The following AGAP1 variants were observed in gnomAD, a reference collection of about 807,000 sequenced individuals.
AGAP1 encodes the protein arf-GAP with GTPase, ANK repeat and PH domain-containing protein 1.
In AGAP1, 29 loss-of-function variants were observed where a neutral mutation model predicts 105.3. The ratio of observed to expected loss-of-function variants is 0.28; its 90% CI spans 0.21 to 0.38. The LOEUF (loss-of-function observed/expected upper bound fraction) is 0.38. Ranked by LOEUF, AGAP1 falls within the 10% of genes least tolerant of loss-of-function variation. AGAP1 has a pLI of 1.00. For synonymous variants in AGAP1, 509 were observed against 485.9 expected (o/e 1.05, Z -0.63); for missense variants, 998 against 1,165.1 (o/e 0.86, Z 2.09).
rs1250691330 is a variant in AGAP1, at chr2:236,014,553, G to C, written c.1646-22008G>C. ...CGAAGCAGACTTCTGCGCGTGGGTA[G>C]TTCTTTGACGTTAGATGCAATCCTG... is the stretch of plus-strand genomic sequence containing the variant. On this transcript the variant is annotated intron_variant, in intron 13 of 17. Coordinates refer to ENST00000304032, the MANE Select transcript of AGAP1 (RefSeq NM_001037131.3). The surrounding 1 kb of genome is among the most constrained non-coding windows in gnomAD (Gnocchi z 6.3). Among the ~76,000 whole-genome samples the C allele has an allele frequency of 6.6e-6, 1 of 152,124 alleles. No homozygotes were observed. Among genetic ancestry groups the C allele is most frequent in the Non-Finnish European group, 1.5e-5 (1 of 68,036 alleles).
At chr2:235,670,264 G>T in intron 1 of AGAP1, 2 of 492,356 alleles carry the variant, frequency 4.1e-6, no homozygotes, top group Non-Finnish European at 3.6e-6. Flanking sequence ...GCCCGGTTCG[G>T]CGGCCCCGGC....
rs1169092667 is a variant in AGAP1, at chr2:236,035,096, G to A, written c.1646-1465G>A. 7.2e-5 allele frequency among the ~76,000 whole-genome samples: 11 copies of A among 152,328 alleles called. No individual in the cohort carries two copies. The highest frequency in any genetic ancestry group is 3.9e-4 in the East Asian group (2 of 5,176). The stretch of plus-strand genomic sequence containing the variant: ...CCAGTCTAGGTGAGGTCAGTAAGCC[G>A]TGCTTGGAAGCTGGGCTAGAGGGAC... On this transcript the variant is annotated intron_variant, in intron 13 of 17. Coordinates refer to ENST00000304032, the MANE Select transcript of AGAP1 (RefSeq NM_001037131.3). This position sits in a 1 kb window ranked among gnomAD's most constrained non-coding sequence, Gnocchi z 4.2.
Position 235,930,408 on chromosome 2 carries a change from C to T in AGAP1, c.1325-357C>T, listed in dbSNP as rs932547612. ...CGGGCTCCTGGAGCCCCCATCTTGC[C>T]GGCCTGCCGGATCGCGGTGTCTCTG... is the stretch of plus-strand genomic sequence containing the variant. On this transcript the variant is annotated intron_variant, in intron 11 of 17. Transcript: ENST00000304032. This position sits in a 1 kb window ranked among gnomAD's most constrained non-coding sequence, Gnocchi z 7.9. 5.3e-5 allele frequency among the ~76,000 whole-genome samples: 8 copies of T among 152,200 alleles called. No individual in the cohort carries two copies. The highest frequency in any genetic ancestry group is 7.3e-5 in the Non-Finnish European group (5 of 68,032).
At position 235,927,168 on chromosome 2, in the gene AGAP1, G is replaced by T. The variant is rs1002253708; in HGVS notation, c.1325-3597G>T. On this transcript the variant is annotated intron_variant, in intron 11 of 17. Coordinates refer to ENST00000304032, the MANE Select transcript of AGAP1 (RefSeq NM_001037131.3). This position sits in a 1 kb window ranked among gnomAD's most constrained non-coding sequence, Gnocchi z 4.4. Reference sequence around the variant, plus strand: ...GTGGGAAGTGGGTGTGGCTGGGGCTGGGGGGCCTTCACGAGCTATAGGGCT... The same window carrying T: ...GTGGGAAGTGGGTGTGGCTGGGGCTTGGGGGCCTTCACGAGCTATAGGGCT... Among the ~76,000 whole-genome samples, 1 of 152,128 alleles carries T rather than the reference G, an allele frequency of 6.6e-6. No individual in the cohort carries two copies. The highest frequency in any genetic ancestry group is 1.5e-5 in the Non-Finnish European group (1 of 68,024).
chr2:235,668,877 CA>C (rs1296499785), intron 1 of AGAP1, among the ~76,000 whole-genome samples: 1 of 152,116 alleles, frequency 6.6e-6, no homozygotes, highest in African/African-American at 2.4e-5. Flanking sequence ...GGTGGAAAAG[CA>C]AGTGGTTTGT....
At chr2:235,804,079 C>T (rs761095196) in intron 8 of AGAP1, among the ~76,000 whole-genome samples, 67 of 152,208 alleles carry the variant, frequency 4.4e-4, no homozygotes, top group Non-Finnish European at 8.5e-4. Context: ...GCTGCTACTG[C>T]AAGAAATAAG....
intron 9 of AGAP1, among the ~76,000 whole-genome samples, chr2:235,857,507 G>GT (rs1206002323): frequency 2.0e-5 from 3 of 152,188 alleles, no homozygotes; most frequent in African/African-American, 7.2e-5. Flanking sequence ...CACAGTGTGT[G>GT]TGCATGTCCG....
intron 12 of AGAP1, among the ~76,000 whole-genome samples, chr2:235,933,224 G>A (rs11675116): frequency 0.011 from 1,654 of 152,202 alleles, 42 homozygotes; most frequent in African/African-American, 0.037. Flanking sequence ...ATTTTTTTGT[G>A]CAAAACAGCA....
At chr2:236,085,276 G>A (rs1196209894) in intron 16 of AGAP1, among the ~76,000 whole-genome samples, 2 of 151,824 alleles carry the variant, frequency 1.3e-5, no homozygotes, top group Admixed American at 6.6e-5. Context: ...GCCTGAACTG[G>A]CCAGGACAAA....
chr2:236,036,569 G>A lies in AGAP1; in HGVS notation c.1654G>A (p.Glu552Lys). ...GLSGTAEEQE[E>K]NFEFIIVSLT... ...CACACTCTGTGTTTCAGAACAAGAA[G>A]AAAATTTTGAGTTTATCATTGTGTC... Residue 552 changes from glutamate (E) to lysine (K), a missense_variant, in exon 14 of 18, where the codon GAA (glutamate) becomes AAA (lysine). Glu to Lys is a moderately conservative substitution (Grantham distance 56). Coordinates refer to ENST00000304032, the MANE Select transcript of AGAP1 (RefSeq NM_001037131.3). The surrounding 1 kb of genome is among the most constrained non-coding windows in gnomAD (Gnocchi z 5.7). The A allele has an allele frequency of 6.2e-7, 1 of 1,614,042 alleles. No individual in the cohort carries two copies. The highest frequency in any genetic ancestry group is 8.5e-7 in the Non-Finnish European group (1 of 1,179,940).
At chr2:235,511,470 G>T (rs934819178) in intron 1 of AGAP1, among the ~76,000 whole-genome samples, 1 of 152,060 alleles carries the variant, frequency 6.6e-6, no homozygotes, top group South Asian at 2.1e-4. Context: ...CTTCTCTGTG[G>T]GGATGTGACT....
chr2:235,762,473 G>A (rs183406100), intron 6 of AGAP1, among the ~76,000 whole-genome samples: 13 of 152,270 alleles, frequency 8.5e-5, no homozygotes, highest in East Asian at 3.9e-4. Flanking sequence ...GAGCCTCATC[G>A]AAGCGTTGTG....
rs759422167 is a variant in AGAP1 at position 235,689,576 on chromosome 2, CTT to C, written c.164-19602_164-19601del. Reference sequence around the variant, plus strand: ...CTTAAGTCTGTTTCTCAACTCCCCTCTTGTTTTCATTGTTTCAGGCAAATAAT... The same window carrying C: ...CTTAAGTCTGTTTCTCAACTCCCCTCGTTTTCATTGTTTCAGGCAAATAAT... On this transcript the variant is annotated intron_variant, in intron 1 of 17. Transcript: ENST00000304032. The surrounding 1 kb of genome is among the most constrained non-coding windows in gnomAD (Gnocchi z 4.2). Among the ~76,000 whole-genome samples, 2 of 151,462 alleles carry C rather than the reference CTT, an allele frequency of 1.3e-5. No individual in the cohort carries two copies. The highest frequency in any genetic ancestry group is 2.5e-5 in the African/African-American group (1 of 40,758).
In AGAP1 at chr2:235,553,444, T is replaced by C. The variant is rs1206531558; in HGVS notation, c.163+58595T>C. On this transcript the variant is annotated intron_variant, in intron 1 of 17. Transcript: ENST00000304032. This position sits in a 1 kb window ranked among gnomAD's most constrained non-coding sequence, Gnocchi z 4.5. ...CAGCTAGTTTTAAAAACTACATGATTGTGTTGCTAGGATTAGTTAAGAACT... is the reference window on the plus strand; with the variant it reads ...CAGCTAGTTTTAAAAACTACATGATCGTGTTGCTAGGATTAGTTAAGAACT... 6.6e-6 allele frequency among the ~76,000 whole-genome samples: 1 copy of C among 152,126 alleles called. No individual in the cohort carries two copies. The highest frequency in any genetic ancestry group is 1.5e-5 in the Non-Finnish European group (1 of 68,024).
At position 235,551,121 on chromosome 2, in the gene AGAP1, G is replaced by T. The variant is rs565096850; in HGVS notation, c.163+56272G>T. Among the ~76,000 whole-genome samples, 1 of 152,092 alleles carries T rather than the reference G, an allele frequency of 6.6e-6. No individual in the cohort carries two copies. The highest frequency in any genetic ancestry group is 1.5e-5 in the Non-Finnish European group (1 of 68,014). On this transcript the variant is annotated intron_variant, in intron 1 of 17. Transcript: ENST00000304032. The surrounding 1 kb of genome is among the most constrained non-coding windows in gnomAD (Gnocchi z 4.8). ...GAGTTTGCTTCTGAGGAAGAGAAGT[G>T]GGGGGTCGGGGGCATCCCACCTCCC... is the stretch of plus-strand genomic sequence containing the variant.
intron 10 of AGAP1, among the ~76,000 whole-genome samples, chr2:235,907,637 C>T (rs931866844): frequency 6.6e-6 from 1 of 152,110 alleles, no homozygotes; most frequent in African/African-American, 2.4e-5. Flanking sequence ...CAAATACAGT[C>T]ATTTCTCTGT....
intron 10 of AGAP1, among the ~76,000 whole-genome samples, chr2:235,886,584 T>A (rs1165023887): frequency 6.6e-6 from 1 of 152,246 alleles, no homozygotes; most frequent in Admixed American, 6.5e-5. Flanking sequence ...TGCATGAATC[T>A]TACTGGAGTA....
rs903434002 is a variant in AGAP1, at chr2:235,961,872, A to C, written c.1484-6590A>C. ...GACAGAGCAAGACTTCGTCACACAC[A>C]CGCACAAAAAAGTGAGATGACAGCT... On this transcript the variant is annotated intron_variant, in intron 12 of 17. Coordinates refer to ENST00000304032, the MANE Select transcript of AGAP1 (RefSeq NM_001037131.3). The surrounding 1 kb of genome is among the most constrained non-coding windows in gnomAD (Gnocchi z 5.9). Among the ~76,000 whole-genome samples the C allele has an allele frequency of 4.0e-4, 61 of 152,190 alleles. No individual in the cohort carries two copies. Among genetic ancestry groups the C allele is most frequent in the African/African-American group, 1.4e-3 (57 of 41,458 alleles).
rs1488779138 is a variant in AGAP1 at position 235,877,470 on chromosome 2, C to G, written c.1051-5875C>G. ...ATCACGTGGTGACCCCAGTCTCTTC[C>G]TTTCCTGCTTTCATACTGAGAAATC... On this transcript the variant is annotated intron_variant, in intron 9 of 17. Coordinates refer to ENST00000304032, the MANE Select transcript of AGAP1 (RefSeq NM_001037131.3). This position sits in a 1 kb window ranked among gnomAD's most constrained non-coding sequence, Gnocchi z 4.3. Among the ~76,000 whole-genome samples, 2 of 152,074 alleles carry G rather than the reference C, an allele frequency of 1.3e-5. No individual in the cohort carries two copies. Among genetic ancestry groups the G allele is most frequent in the Non-Finnish European group, 2.9e-5 (2 of 68,024 alleles).
Sources: allele counts gnomAD v4.1 joint callset (sites outside exome capture counted in the v4.1 genomes callset), GRCh38; gene constraint gnomAD v4.1.1; non-coding constraint Gnocchi (gnomAD v3.1); transcripts MANE v1.5; gene names NCBI Gene and HGNC (gene_info 2026-07-23, HGNC 2026-07-21).